Variants in ABAT observed in about 807,000 individuals in gnomAD.
ABAT encodes the protein 4-aminobutyrate aminotransferase, mitochondrial.
In ABAT, 45 loss-of-function variants were observed where a neutral mutation model predicts 64.6. The observed-to-expected ratio is 0.70, with a 90% confidence interval of 0.55 to 0.89. The LOEUF (loss-of-function observed/expected upper bound fraction) is 0.89, where lower values mean the gene tolerates loss of function less well. Ranked by LOEUF, ABAT falls within the 40% of genes least tolerant of loss-of-function variation. ABAT has a pLI of 0.00. For synonymous variants in ABAT, 297 were observed against 250.5 expected, an observed-to-expected ratio of 1.19 and a Z score of -1.75; for missense variants, 633 against 658.4, an observed-to-expected ratio of 0.96 and a Z score of 0.42.
chr16:8,735,821 G>T lies in ABAT; in HGVS notation c.70+12G>T. 1 of 1,594,730 alleles carries T rather than the reference G, an allele frequency of 6.3e-7. No individual in the cohort carries two copies. On this transcript the variant is annotated intron_variant, in intron 2 of 15. Coordinates refer to ENST00000268251, the MANE Select transcript of ABAT (RefSeq NM_020686.6). The stretch of plus-strand genomic sequence containing the variant: ...CCTGCTGGTGCCTGGTAAGCCCCGG[G>T]GGTCTTGATAAGAACTGGTACTAAT...
At chr16:8,698,823 G>A (rs1376756156) in intron 1 of ABAT, among the ~76,000 whole-genome samples, 1 of 152,116 alleles carries the variant, frequency 6.6e-6, no homozygotes, top group East Asian at 1.9e-4. Context: ...GCACACACCT[G>A]TAATCCCAGC....
intron 1 of ABAT, among the ~76,000 whole-genome samples, chr16:8,694,567 G>T (rs1412897545): frequency 6.6e-6 from 1 of 151,440 alleles, no homozygotes; most frequent in Non-Finnish European, 1.5e-5. Context: ...TTGTAGAGAT[G>T]GGGTCTCACT....
At chr16:8,698,554 G>A (rs546368141) in intron 1 of ABAT, among the ~76,000 whole-genome samples, 5 of 151,904 alleles carry the variant, frequency 3.3e-5, no homozygotes, top group East Asian at 2.0e-4. Context: ...GGCTGGTCTC[G>A]AACTCCTGAC....
Position 8,775,100 on chromosome 16 carries a change from G to A in ABAT, c.1122+43G>A, listed in dbSNP as rs777048535. ...TTCTCTCTACATCCAGGGCAGAGAA[G>A]GGAGCATCCTCTTCTCCTAACTGTT... On this transcript the variant is annotated intron_variant, in intron 13 of 15. Coordinates refer to ENST00000268251, the MANE Select transcript of ABAT (RefSeq NM_020686.6). 8.1e-6 allele frequency: 13 copies of A among 1,613,296 alleles called. No individual in the cohort carries two copies. The African/African-American group carries it at 1.5e-4, about 18-fold the overall frequency.
chr16:8,755,624 C>A (rs1240615626), intron 5 of ABAT, among the ~76,000 whole-genome samples: 1 of 152,134 alleles, frequency 6.6e-6, no homozygotes, highest in Non-Finnish European at 1.5e-5. Flanking sequence ...AATGGCTTGA[C>A]TTCAGGCCGG....
intron 2 of ABAT, among the ~76,000 whole-genome samples, chr16:8,742,106 A>G (rs754157039): frequency 6.6e-6 from 1 of 152,204 alleles, no homozygotes; most frequent in Non-Finnish European, 1.5e-5. Context: ...ACCTGTCCTC[A>G]GCATTCCTGG....
At chr16:8,756,386 T>A (rs1193893315) in intron 5 of ABAT, among the ~76,000 whole-genome samples, 1 of 152,242 alleles carries the variant, frequency 6.6e-6, no homozygotes, top group South Asian at 2.1e-4. Context: ...CAAACATTTT[T>A]ATTTTAATTT....
chr16:8,757,329 G>A (rs1331994543), intron 5 of ABAT: 6 of 359,822 alleles, frequency 1.7e-5, no homozygotes, highest in Middle Eastern at 9.9e-4. Context: ...TACCTCGCCC[G>A]GCTAATTTTT....
chr16:8,738,334 A>C, intron 2 of ABAT: 1 of 443,084 alleles, frequency 2.3e-6, no homozygotes, highest in South Asian at 1.6e-5. Flanking sequence ...TAGATAAATA[A>C]GTTTTTAAAG....
chr16:8,681,034 T>G lies in ABAT; in HGVS notation c.-42+6323T>G, dbSNP rs909884858. Among the ~76,000 whole-genome samples, 35 of 151,552 alleles carry G rather than the reference T, an allele frequency of 2.3e-4. 1 individual carries two copies. The highest frequency in any genetic ancestry group is 1.9e-3 in the Admixed American group (29 of 15,182). ...ACCCTGTCTGTCACCCAAGCTGGAGTGCAGTGGCATGATCATAGCTTACTG... is the reference window on the plus strand; with the variant it reads ...ACCCTGTCTGTCACCCAAGCTGGAGGGCAGTGGCATGATCATAGCTTACTG... On this transcript the variant is annotated intron_variant, in intron 1 of 15. Transcript: ENST00000268251.
At chr16:8,700,772 A>AT (rs1010341267) in intron 1 of ABAT, among the ~76,000 whole-genome samples, 306 of 148,488 alleles carry the variant, frequency 2.1e-3, no homozygotes, top group African/African-American at 6.6e-3. Context: ...ATTTTAAAAC[A>AT]TTTTTTTTTT....
intron 9 of ABAT, among the ~76,000 whole-genome samples, chr16:8,767,573 C>T (rs2059980547): frequency 6.6e-6 from 1 of 152,230 alleles, no homozygotes; most frequent in Non-Finnish European, 1.5e-5. Flanking sequence ...GTGGGTACTG[C>T]TTGGCCACTT....
intron 1 of ABAT, among the ~76,000 whole-genome samples, chr16:8,688,181 G>A (rs538053365): frequency 8.5e-5 from 13 of 152,082 alleles, no homozygotes; most frequent in South Asian, 6.2e-4. Flanking sequence ...ATGAGCCACC[G>A]CACCCGGCCA....
chr16:8,724,746 C>CAAAAAAAAAAAAAA (rs869130725), intron 1 of ABAT, among the ~76,000 whole-genome samples: 1 of 6,592 alleles, frequency 1.5e-4, no homozygotes, highest in Non-Finnish European at 3.8e-4. Flanking sequence ...AAAAAAAAAA[C>CAAAAAAAAAAAAAA]AAAAAAAAAA....
chr16:8,772,972 C>T (rs2060157898), intron 12 of ABAT, 55 bp downstream of exon 12: 1 of 1,610,134 alleles, frequency 6.2e-7, no homozygotes, highest in Non-Finnish European at 8.5e-7. Context: ...GGGTTGAGTT[C>T]CCCGAGTAAC....
chr16:8,688,594 ATCCTGTGGACCCCTTTGCC>A (rs1306015807), intron 1 of ABAT, among the ~76,000 whole-genome samples: 1 of 152,086 alleles, frequency 6.6e-6, no homozygotes. Context: ...CCTCATCCCC[ATCCTGTGGACCCCTTTGCC>A]TCATTAGAGG....
chr16:8,696,957 A>G (rs970862137), intron 1 of ABAT, among the ~76,000 whole-genome samples: 1 of 152,216 alleles, frequency 6.6e-6, no homozygotes, highest in African/African-American at 2.4e-5. Flanking sequence ...ACCAACTCTC[A>G]GCATGTAACT....
Position 8,779,493 on chromosome 16 carries a change from G to T in ABAT, c.1284G>T (p.Gln428His), listed in dbSNP as rs2060369310. ...TCCCACTACAGGCCCGGTACCCCCA[G>T]TTCATCAGCAGGGTGAGAGGACGAG... is the stretch of plus-strand genomic sequence containing the variant. ...GLLDLQARYP[Q>H]FISRVRGRGT... Residue 428 changes from glutamine (Q) to histidine (H), a missense_variant, in exon 15 of 16, where the codon CAG (glutamine) becomes CAT (histidine). Coordinates refer to ENST00000268251, the MANE Select transcript of ABAT (RefSeq NM_020686.6). 6.2e-7 allele frequency: 1 copy of T among 1,614,158 alleles called. No homozygotes were observed. Among genetic ancestry groups the T allele is most frequent in the Non-Finnish European group, 8.5e-7 (1 of 1,180,028 alleles).
intron 1 of ABAT, among the ~76,000 whole-genome samples, chr16:8,689,572 T>G (rs1373697390): frequency 6.6e-6 from 1 of 152,188 alleles, no homozygotes; most frequent in East Asian, 1.9e-4. Context: ...TGACAAGACA[T>G]GAACCAAATA....
Sources: allele counts gnomAD v4.1 joint callset (sites outside exome capture counted in the v4.1 genomes callset), GRCh38; gene constraint gnomAD v4.1.1; transcripts MANE v1.5; gene names NCBI Gene and HGNC (gene_info 2026-07-23, HGNC 2026-07-21).